The following CSMD3 variants were observed in gnomAD, a reference collection of about 807,000 sequenced individuals.
CSMD3 encodes the protein CUB and sushi domain-containing protein 3.
A neutral mutation model predicts 435.2 loss-of-function variants in CSMD3; 177 were observed. The observed-to-expected ratio is 0.41, with a 90% CI of 0.36 to 0.46. CSMD3 has a LOEUF of 0.46. CSMD3 is among the 20% of genes least tolerant of loss of function. The pLI is 0.34. For missense variants in CSMD3, 4,265 were observed against 4,504.6 expected, an observed-to-expected ratio of 0.95 and a Z score of 1.52; for synonymous variants, 1,656 against 1,520.5, an observed-to-expected ratio of 1.09 and a Z score of -2.07.
At chr8:112,370,940 G>A (rs1021884363) in intron 38 of CSMD3, among the ~76,000 whole-genome samples, 3 of 152,146 alleles carry the variant, frequency 2.0e-5, no homozygotes, top group African/African-American at 4.8e-5. Flanking sequence ...ATTGAGACAG[G>A]TAAAAAGGAA....
At chr8:112,703,829 G>A (rs1407746989) in intron 13 of CSMD3, among the ~76,000 whole-genome samples, 2 of 152,064 alleles carry the variant, frequency 1.3e-5, no homozygotes, top group Non-Finnish European at 2.9e-5. Context: ...CGAGACTATA[G>A]TCAATATTTA....
intron 29 of CSMD3, among the ~76,000 whole-genome samples, chr8:112,505,880 T>G (rs1294602579): frequency 1.3e-5 from 2 of 152,092 alleles, no homozygotes; most frequent in Non-Finnish European, 2.9e-5. Flanking sequence ...ATGATAGAGC[T>G]AGAAATCAAA....
At chr8:112,980,268 T>C (rs2085001291) in intron 6 of CSMD3, among the ~76,000 whole-genome samples, 1 of 151,002 alleles carries the variant, frequency 6.6e-6, no homozygotes, top group South Asian at 2.1e-4. Context: ...GAGATATGCA[T>C]GGATGACCCA....
chr8:112,695,231 A>G (rs2076225153), intron 13 of CSMD3, among the ~76,000 whole-genome samples: 1 of 152,206 alleles, frequency 6.6e-6, no homozygotes, highest in East Asian at 1.9e-4. Flanking sequence ...TTCAAGATGT[A>G]TAATTCCACA....
chr8:112,979,601 T>C (rs936992956), intron 6 of CSMD3, among the ~76,000 whole-genome samples: 1 of 151,452 alleles, frequency 6.6e-6, no homozygotes, highest in Non-Finnish European at 1.5e-5. Flanking sequence ...CACATAGCTA[T>C]CCAATGTTAA....
intron 27 of CSMD3, among the ~76,000 whole-genome samples, chr8:112,527,140 A>G (rs1390884960): frequency 6.6e-6 from 1 of 151,984 alleles, no homozygotes; most frequent in Non-Finnish European, 1.5e-5. Flanking sequence ...CTAATGGTTA[A>G]AAGACTCCAA....
At chr8:112,828,316 A>G (rs1680336436) in intron 12 of CSMD3, among the ~76,000 whole-genome samples, 1 of 152,148 alleles carries the variant, frequency 6.6e-6, no homozygotes, top group Admixed American at 6.5e-5. Flanking sequence ...TTGTGTCCCC[A>G]CCCAAATCTC....
At chr8:113,336,823 A>AG (rs759258504) in intron 1 of CSMD3, among the ~76,000 whole-genome samples, 4 of 152,124 alleles carry the variant, frequency 2.6e-5, no homozygotes, top group Non-Finnish European at 5.9e-5. Flanking sequence ...ACTGCAGTAC[A>AG]GGGGGTCTCA....
intron 5 of CSMD3, among the ~76,000 whole-genome samples, chr8:113,055,090 TTTA>T (rs1264824396): frequency 1.3e-5 from 2 of 152,204 alleles, no homozygotes; most frequent in Non-Finnish European, 2.9e-5. Context: ...TTTCAGTTAG[TTTA>T]TTATCTGTAA....
chr8:113,376,721 A>G (rs773331389), intron 1 of CSMD3: 2 of 1,613,890 alleles, frequency 1.2e-6, no homozygotes, highest in South Asian at 2.2e-5. Context: ...AAGGAGCCTA[A>G]GAGCCAGGAT....
chr8:112,298,964 A>T (rs1271683652), intron 53 of CSMD3, among the ~76,000 whole-genome samples: 1 of 152,258 alleles, frequency 6.6e-6, no homozygotes, highest in South Asian at 2.1e-4. Flanking sequence ...GACATAGCCC[A>T]TGTATCCATC....
chr8:112,650,577 T>G (rs1213426245), intron 18 of CSMD3, among the ~76,000 whole-genome samples: 1 of 152,210 alleles, frequency 6.6e-6, no homozygotes, highest in Non-Finnish European at 1.5e-5. Context: ...TGAAAATGTA[T>G]AACTATCTGT....
chr8:113,087,267 A>T (rs1030864395), intron 5 of CSMD3, among the ~76,000 whole-genome samples: 2 of 152,100 alleles, frequency 1.3e-5, no homozygotes, highest in African/African-American at 4.8e-5. Flanking sequence ...AATATCGTGA[A>T]AATGGCCATA....
intron 3 of CSMD3, among the ~76,000 whole-genome samples, chr8:113,264,734 C>T (rs912127300): frequency 2.6e-5 from 4 of 151,380 alleles, no homozygotes; most frequent in South Asian, 2.1e-4. Context: ...AAATAAAAGG[C>T]TATTTTCCCT....
intron 11 of CSMD3, among the ~76,000 whole-genome samples, chr8:112,858,134 T>C (rs231302): frequency 0.25 from 37,898 of 151,460 alleles, 5,533 homozygotes; most frequent in Non-Finnish European, 0.34. Context: ...AAGAACTTGA[T>C]AAGTGATCAC....
rs1026980400 is a variant in CSMD3 at position 112,682,472 on chromosome 8, T to C, written c.2647A>G (p.Met883Val). The change falls in exon 16 of 71, where the codon ATG (methionine) becomes GTG (valine). Residue 883 changes from methionine to valine, a missense_variant. Around this residue, in one of 3 missense-constraint regions of CSMD3, gnomAD observed 279 missense variants for 369.0 expected, o/e 0.76. Transcript: ENST00000297405. ...ITCILMDGKV[M>V]WSGLIPKCGA... is the part of the protein sequence containing the mutation. ...CATTTTGGAATCAGTCCACTCCACATTACTTTTCCATCCATAAGAATACAT... is the reference window on the plus strand; with the variant it reads ...CATTTTGGAATCAGTCCACTCCACACTACTTTTCCATCCATAAGAATACAT... The C allele has an allele frequency of 6.2e-7, 1 of 1,612,588 alleles. No individual in the cohort carries two copies. Among genetic ancestry groups the C allele is most frequent in the African/African-American group, 1.3e-5 (1 of 74,894 alleles).
intron 7 of CSMD3, among the ~76,000 whole-genome samples, chr8:112,968,476 AC>A (rs1283978459): frequency 6.6e-6 from 1 of 151,728 alleles, no homozygotes; most frequent in African/African-American, 2.4e-5. Flanking sequence ...AAAAAAAAAA[AC>A]TGAATGTTAA....
intron 11 of CSMD3, among the ~76,000 whole-genome samples, chr8:112,841,129 C>G (rs1020434322): frequency 3.3e-5 from 5 of 151,588 alleles, no homozygotes; most frequent in African/African-American, 1.2e-4. Flanking sequence ...TGAGAGAAAT[C>G]TGAATGAAAA....
chr8:113,159,648 A>C (rs2131827896), intron 4 of CSMD3, among the ~76,000 whole-genome samples: 1 of 152,144 alleles, frequency 6.6e-6, no homozygotes, highest in East Asian at 1.9e-4. Context: ...AGGTTTCTTC[A>C]TATGTACTTC....
Sources: gnomAD v4.1 joint callset for allele counts (sites outside exome capture counted in the v4.1 genomes callset) on GRCh38, gnomAD v4.1.1 for gene constraint, gnomAD v4.1.1 regional missense constraint, MANE v1.5 for transcripts, NCBI Gene and HGNC (gene_info 2026-07-23, HGNC 2026-07-21) for gene names.